ZFHX3: variants seen among roughly 807,000 people sequenced by gnomAD.
The protein encoded by ZFHX3 is zinc finger homeobox protein 3.
In ZFHX3, 42 loss-of-function variants were observed where a neutral mutation model predicts 279.1. The observed-to-expected ratio is 0.15, with a 90% CI of 0.12 to 0.19. The LOEUF (loss-of-function observed/expected upper bound fraction) is 0.19, where lower values mean the gene tolerates loss of function less well. ZFHX3 is among the 10% of genes least tolerant of loss of function. The pLI, the probability that ZFHX3 is intolerant of heterozygous loss-of-function variation, is 1.00. For missense variants in ZFHX3, 4,981 were observed against 4,754.0 expected (o/e 1.05, Z -1.40); for synonymous variants, 2,293 against 1,957.8 (o/e 1.17, Z -4.52).
intron 2 of ZFHX3, among the ~76,000 whole-genome samples, chr16:73,537,811 TGTG>T: frequency 6.6e-6 from 1 of 152,288 alleles, no homozygotes; most frequent in East Asian, 1.9e-4. Context: ...AGATATGACA[TGTG>T]GTGAAGGGAC....
At chr16:73,764,529 G>A (rs1035268861) in intron 1 of ZFHX3, among the ~76,000 whole-genome samples, 1 of 152,026 alleles carries the variant, frequency 6.6e-6, no homozygotes, top group African/African-American at 2.4e-5. Flanking sequence ...TTAGGTCAGC[G>A]GCTCTGTAAA....
intron 3 of ZFHX3, among the ~76,000 whole-genome samples, chr16:73,433,849 C>T (rs973406445): frequency 5.9e-5 from 9 of 152,202 alleles, no homozygotes; most frequent in African/African-American, 2.2e-4. Flanking sequence ...GCCTGGGTGA[C>T]TCCCAGGGCA....
chr16:73,319,144 C>A (rs2015519821), intron 3 of ZFHX3, among the ~76,000 whole-genome samples: 1 of 151,744 alleles, frequency 6.6e-6, no homozygotes, highest in Non-Finnish European at 1.5e-5. Flanking sequence ...AGGACCGGAG[C>A]AGGTAATAGA....
rs766120778 is a variant in ZFHX3 at position 72,958,385 on chromosome 16, C to T, written c.1761G>A (p.Arg587=). 5 of 1,614,196 alleles carry T rather than the reference C, an allele frequency of 3.1e-6. No individual in the cohort carries two copies. The South Asian group carries it at 4.4e-5, about 14-fold the overall frequency. ...VRANVAEGGR[R]LDFADESANK... The stretch of plus-strand genomic sequence containing the variant: ...TGGCACTTTCGTCAGCGAAGTCCAG[C>T]CTCCTGCCGCCCTCTGCCACATTGG... Residue 587 remains arginine, a synonymous_variant, in exon 2 of 10, where the codon AGG becomes AGA. Coordinates refer to ENST00000268489, the MANE Select transcript of ZFHX3 (RefSeq NM_006885.4).
chr16:73,624,134 G>A (rs1046286260), intron 2 of ZFHX3, among the ~76,000 whole-genome samples: 7 of 152,098 alleles, frequency 4.6e-5, no homozygotes, highest in Non-Finnish European at 8.8e-5. Flanking sequence ...TTTGCACTAC[G>A]CTGGATGATA....
intron 1 of ZFHX3, among the ~76,000 whole-genome samples, chr16:73,833,001 G>A (rs1035596699): frequency 2.0e-5 from 3 of 152,122 alleles, no homozygotes; most frequent in African/African-American, 2.4e-5. Context: ...AGAACATAAC[G>A]GAACAGAAGT....
At chr16:73,531,530 T>A (rs1293064415) in intron 2 of ZFHX3, among the ~76,000 whole-genome samples, 1 of 148,502 alleles carries the variant, frequency 6.7e-6, no homozygotes, top group African/African-American at 2.5e-5. Flanking sequence ...GCCTGGGCAA[T>A]GTAGTGAAAC....
chr16:72,937,961 T>C (rs1451894601), intron 3 of ZFHX3, among the ~76,000 whole-genome samples: 3 of 152,210 alleles, frequency 2.0e-5, no homozygotes, highest in African/African-American at 7.2e-5. Flanking sequence ...AGAGAGTAAA[T>C]GGAGAGAAAC....
intron 1 of ZFHX3, among the ~76,000 whole-genome samples, chr16:73,696,303 T>C (rs1267824837): frequency 2.0e-5 from 3 of 152,138 alleles, no homozygotes; most frequent in African/African-American, 4.8e-5. Context: ...CCATAAGATA[T>C]GGGCAGAACA....
At chr16:72,956,969 C>G (rs928212648) in intron 2 of ZFHX3, among the ~76,000 whole-genome samples, 1 of 152,184 alleles carries the variant, frequency 6.6e-6, no homozygotes, top group African/African-American at 2.4e-5. Context: ...TTCCGAATTC[C>G]TATTATTAAG....
At chr16:73,261,635 T>A (rs915598740) in intron 4 of ZFHX3, among the ~76,000 whole-genome samples, 13 of 151,870 alleles carry the variant, frequency 8.6e-5, no homozygotes, top group Admixed American at 8.5e-4. Flanking sequence ...TTGATCACTA[T>A]TCCTTTGTAT....
At chr16:73,402,745 C>T (rs1452382262) in intron 3 of ZFHX3, among the ~76,000 whole-genome samples, 1 of 151,908 alleles carries the variant, frequency 6.6e-6, no homozygotes. Flanking sequence ...ACAAAGCCTG[C>T]AAGCTAAGTA....
chr16:73,029,028 TTCAC>T (rs1466355223), intron 1 of ZFHX3, among the ~76,000 whole-genome samples: 2 of 152,120 alleles, frequency 1.3e-5, no homozygotes, highest in South Asian at 2.1e-4. Context: ...TAACATCTTC[TTCAC>T]TCACTCAGCC....
Position 72,958,223 on chromosome 16 carries a change from C to T in ZFHX3, c.1923G>A (p.Glu641=), listed in dbSNP as rs150601682. ...CCAGGACCGTGTCGCATTTGGGGCA[C>T]TCCACGCCACTCCCCGAGGGGCACT... The part of the protein sequence containing the change: ...VGECPSGSGV[E]CPKCDTVLGS... Residue 641 remains glutamate (E), a synonymous_variant, in exon 2 of 10, where the codon GAG becomes GAA. Transcript: ENST00000268489. 3.0e-5 allele frequency: 48 copies of T among 1,612,594 alleles called. No individual in the cohort carries two copies. The East Asian group carries it at 9.6e-4, about 32-fold the overall frequency.
intron 2 of ZFHX3, among the ~76,000 whole-genome samples, chr16:73,636,298 G>A (rs1423577109): frequency 1.3e-5 from 2 of 152,076 alleles, no homozygotes; most frequent in African/African-American, 2.4e-5. Flanking sequence ...ATCAGAAACT[G>A]ACAAATAATA....
rs139667532 is a variant in ZFHX3 at position 73,468,840 on chromosome 16, G to A, written c.-1546-12582C>T. 3.9e-5 allele frequency among the ~76,000 whole-genome samples: 6 copies of A among 152,306 alleles called. No homozygotes were observed. The South Asian group carries it at 6.2e-4, about 16-fold the overall frequency. On this transcript the variant is annotated intron_variant, in intron 2 of 17. Transcript: ENST00000641206. ...AGAATGCTCCAATCACAAATGCACA[G>A]TTTTCTACATTATCTTCATATAGGG...
chr16:73,832,922 C>G (rs766381362), intron 1 of ZFHX3, among the ~76,000 whole-genome samples: 9 of 152,138 alleles, frequency 5.9e-5, no homozygotes. Context: ...AATCATGAGG[C>G]AGGCTATATG....
intron 5 of ZFHX3, among the ~76,000 whole-genome samples, chr16:73,215,293 T>G (rs2012164964): frequency 6.6e-6 from 1 of 152,100 alleles, no homozygotes. Flanking sequence ...GTAGCTATGT[T>G]GTTCTCTCTA....
At chr16:73,641,826 C>G (rs977722363) in intron 2 of ZFHX3, among the ~76,000 whole-genome samples, 27 of 152,206 alleles carry the variant, frequency 1.8e-4, no homozygotes, top group Admixed American at 2.6e-4. Context: ...TATTACTTGG[C>G]TTTTTAAAAG....
Sources: allele counts gnomAD v4.1 joint callset (sites outside exome capture counted in the v4.1 genomes callset), GRCh38; gene constraint gnomAD v4.1.1; transcripts MANE v1.5; gene names NCBI Gene and HGNC (gene_info 2026-07-23, HGNC 2026-07-21).